Variants in AGTPBP1 observed in about 807,000 individuals in gnomAD.
The protein encoded by AGTPBP1 is cytosolic carboxypeptidase 1.
A neutral mutation model predicts 143.9 loss-of-function variants in AGTPBP1; 70 were observed. The ratio of observed to expected loss-of-function variants is 0.49; its 90% CI spans 0.40 to 0.59. The LOEUF is 0.59. Ranked by LOEUF, AGTPBP1 falls within the 20% of genes least tolerant of loss-of-function variation. The probability of loss-of-function intolerance (pLI) is 0.00; values close to 1 mark genes in which losing one functional copy is unlikely to be tolerated. For missense variants in AGTPBP1, 1,229 were observed against 1,464.5 expected (o/e 0.84, Z 2.62); for synonymous variants, 463 against 500.2 (o/e 0.93, Z 0.99).
At chr9:85,801,318 A>C in the AGTPBP1 span, among the ~76,000 whole-genome samples, 1 of 152,214 alleles carries the variant, frequency 6.6e-6, no homozygotes, top group Admixed American at 6.5e-5. Context: ...TCTCAAAAAT[A>C]ATAATAATTT....
At chr9:85,771,247 C>T in the AGTPBP1 span, among the ~76,000 whole-genome samples, 2 of 152,098 alleles carry the variant, frequency 1.3e-5, no homozygotes, top group Non-Finnish European at 2.9e-5. Flanking sequence ...TGCCTGTAAT[C>T]CCAGCACTTT....
intron 2 of AGTPBP1, among the ~76,000 whole-genome samples, chr9:85,708,625 T>A (rs1217450188): frequency 1.3e-5 from 2 of 152,176 alleles, no homozygotes; most frequent in Non-Finnish European, 1.5e-5. Context: ...GCAACCTCTG[T>A]CACCTGGGTT....
chr9:85,681,225 T>C (rs764645338), intron 4 of AGTPBP1, 43 bp downstream of exon 4: 3 of 1,568,128 alleles, frequency 1.9e-6, no homozygotes, highest in South Asian at 1.1e-5. Flanking sequence ...TCAGTATTGC[T>C]TGGCATTAGT....
chr9:85,745,969 C>T (rs903565309), upstream of AGTPBP1, among the ~76,000 whole-genome samples: 5 of 152,114 alleles, frequency 3.3e-5, no homozygotes, highest in Admixed American at 1.3e-4. Context: ...AGCAGAAACT[C>T]GGGGCTAGAC....
At chr9:85,681,142 C>A in intron 4 of AGTPBP1, 126 bp downstream of exon 4, 1 of 804,908 alleles carries the variant, frequency 1.2e-6, no homozygotes, top group Admixed American at 3.1e-5. Context: ...ATTACATATA[C>A]GTGTGTGTGT....
At chr9:85,586,767 T>C in intron 22 of AGTPBP1, 64 bp downstream of exon 22, 2 of 1,550,194 alleles carry the variant, frequency 1.3e-6, no homozygotes, top group Non-Finnish European at 1.8e-6. Flanking sequence ...ACACAAGTGC[T>C]TGATAATTAA....
At chr9:85,741,482 CCCG>C in intron 1 of AGTPBP1, 39 of 985,396 alleles carry the variant, frequency 4.0e-5, no homozygotes, top group Non-Finnish European at 4.7e-5. Flanking sequence ...AGAGACCGCG[CCCG>C]ATACCCTCCG....
chr9:85,667,995 C>T (rs62569195), intron 8 of AGTPBP1, among the ~76,000 whole-genome samples: 2,750 of 149,654 alleles, frequency 0.018, 31 homozygotes, highest in Middle Eastern at 0.056. Context: ...AAGACAACTG[C>T]GGTAACACTA....
In AGTPBP1 at chr9:85,660,841, A is replaced by G. The variant is rs191616004; in HGVS notation, c.700+95T>C. 3.0e-4 allele frequency: 290 copies of G among 979,362 alleles called. No individual in the cohort carries two copies. The African/African-American group carries it at 4.4e-3, about 15-fold the overall frequency. The allele number at this position is 979,362 out of a possible 1,614,324, so 60.7% of individuals were successfully genotyped here. ...TAGAATATTATAAACCAGCTTTATA[A>G]CTATAGTCTAAATCTACATTTCCAG... On this transcript the variant is annotated intron_variant, in intron 9 of 25. Transcript: ENST00000357081.
chr9:85,704,836 A>C (rs1221751174), intron 2 of AGTPBP1, among the ~76,000 whole-genome samples: 5 of 152,216 alleles, frequency 3.3e-5, no homozygotes, highest in Non-Finnish European at 5.9e-5. Flanking sequence ...TTGTAACTAT[A>C]TTACGTGTGT....
intron 13 of AGTPBP1, among the ~76,000 whole-genome samples, chr9:85,638,678 G>C (rs992689584): frequency 6.6e-6 from 1 of 151,768 alleles, no homozygotes; most frequent in Non-Finnish European, 1.5e-5. Flanking sequence ...TTTTGTCTTA[G>C]AATCTTAGAG....
Position 85,632,887 on chromosome 9 carries a change from ACTC to A in AGTPBP1, c.1787_1789del (p.Gly596del), listed in dbSNP as rs1831773738. On this transcript the variant is annotated inframe_deletion, in exon 14 of 26. Transcript: ENST00000357081. ...AGTATCTTCATCATCTTCAGTTTCA[ACTC>A]CAGTGCAGCAAAGCTTCCCTAGCTG... The A allele has an allele frequency of 1.2e-6, 2 of 1,613,914 alleles. No homozygotes were observed. The highest frequency in any genetic ancestry group is 2.7e-5 in the African/African-American group (2 of 74,874).
chr9:85,639,353 ATGCGCGCG>A (rs1564092727), intron 13 of AGTPBP1, among the ~76,000 whole-genome samples: 186 of 137,320 alleles, frequency 1.4e-3, no homozygotes, highest in Middle Eastern at 7.5e-3. Context: ...ACACACACCC[ATGCGCGCG>A]CACGCGCACA....
intron 3 of AGTPBP1, among the ~76,000 whole-genome samples, chr9:85,690,113 T>C (rs1488194392): frequency 6.6e-6 from 1 of 151,860 alleles, no homozygotes; most frequent in African/African-American, 2.4e-5. Flanking sequence ...GACATTGTCA[T>C]TCTAATTTCT....
chr9:85,795,771 G>A, the AGTPBP1 span, among the ~76,000 whole-genome samples: 1 of 150,528 alleles, frequency 6.6e-6, no homozygotes, highest in African/African-American at 2.4e-5. Flanking sequence ...CTGCATCCAT[G>A]TTGCTGCAAA....
chr9:85,651,402 AATCT>A (rs1198185307), intron 11 of AGTPBP1, among the ~76,000 whole-genome samples: 1 of 152,176 alleles, frequency 6.6e-6, no homozygotes. Context: ...AATATTAGGA[AATCT>A]ATCAATATAA....
At chr9:85,586,982 G>A in intron 21 of AGTPBP1, 22 bp from the exon 22 acceptor site, 1 of 1,612,570 alleles carries the variant, frequency 6.2e-7, no homozygotes, top group Admixed American at 1.7e-5. Context: ...TAAACACAAA[G>A]ACAGAAAAAC....
intron 23 of AGTPBP1, among the ~76,000 whole-genome samples, chr9:85,580,254 A>T (rs1387133008): frequency 6.6e-6 from 1 of 151,226 alleles, no homozygotes; most frequent in African/African-American, 2.4e-5. Flanking sequence ...AAAAAAAAAG[A>T]ACTCTCTCTA....
At chr9:85,620,220 T>C (rs1434460267) in intron 15 of AGTPBP1, among the ~76,000 whole-genome samples, 2 of 152,088 alleles carry the variant, frequency 1.3e-5, no homozygotes, top group Non-Finnish European at 2.9e-5. Context: ...GAGACCATCC[T>C]GGCCAACATG....
Sources: allele counts gnomAD v4.1 joint callset (sites outside exome capture counted in the v4.1 genomes callset), GRCh38; gene constraint gnomAD v4.1.1; transcripts MANE v1.5; gene names NCBI Gene and HGNC (gene_info 2026-07-23, HGNC 2026-07-21).